The following SLC35D2 variants were observed in gnomAD, a reference collection of about 807,000 sequenced individuals.
SLC35D2 encodes the protein solute carrier family 35 member D2, also known as nucleotide sugar transporter SLC35D2.
SLC35D2 carries 43 observed loss-of-function variants against 41.8 expected under a neutral mutation model. The observed-to-expected ratio is 1.03, with a 90% CI of 0.81 to 1.33. The LOEUF (loss-of-function observed/expected upper bound fraction) is 1.33, where lower values mean the gene tolerates loss of function less well. SLC35D2 is among the 40% of genes most tolerant of loss of function. SLC35D2 has a pLI of 0.00. For synonymous variants in SLC35D2, 150 were observed against 163.9 expected (o/e 0.92, Z 0.65); for missense variants, 380 against 408.4 (o/e 0.93, Z 0.60).
intron 9 of SLC35D2, among the ~76,000 whole-genome samples, chr9:96,333,587 T>C (rs1228944777): frequency 2.6e-4 from 32 of 124,134 alleles, no homozygotes; most frequent in Non-Finnish European, 4.2e-4. Flanking sequence ...AGAGGGAGAC[T>C]CCGTCTCAAA....
chr9:96,364,783 T>G (rs1011467538), intron 2 of SLC35D2, among the ~76,000 whole-genome samples: 2 of 152,102 alleles, frequency 1.3e-5, no homozygotes, highest in African/African-American at 4.8e-5. Context: ...CAGGGCACGG[T>G]GGCTCACAGC....
At position 96,367,002 on chromosome 9, in the gene SLC35D2, C is replaced by A. The variant is rs187710112; in HGVS notation, c.192+1270G>T. On this transcript the variant is annotated intron_variant, in intron 2 of 11. Coordinates refer to ENST00000253270, the MANE Select transcript of SLC35D2 (RefSeq NM_007001.3). ...TTGGGAGGCCGAGGTGGGTGGATCA[C>A]GAGGTCAGGAGCTGGAGACCAACCT... 4.1e-3 allele frequency among the ~76,000 whole-genome samples: 613 copies of A among 150,832 alleles called. 4 individuals are homozygous for A. The highest frequency in any genetic ancestry group is 0.014 in the African/African-American group (590 of 41,262).
intron 6 of SLC35D2, among the ~76,000 whole-genome samples, chr9:96,349,729 T>A (rs777416759): frequency 1.3e-5 from 2 of 152,204 alleles, no homozygotes; most frequent in African/African-American, 4.8e-5. Context: ...TTTTGCCATG[T>A]TGGCCAGGCT....
chr9:96,317,784 G>A (rs541201485), downstream of SLC35D2, among the ~76,000 whole-genome samples: 81 of 151,942 alleles, frequency 5.3e-4, no homozygotes, highest in African/African-American at 1.8e-3. Context: ...AGCACTCTGG[G>A]AGGCCGAGGA....
intron 4 of SLC35D2, among the ~76,000 whole-genome samples, chr9:96,358,078 T>TAATATA (rs1491320526): frequency 8.8e-5 from 7 of 79,240 alleles, no homozygotes; most frequent in South Asian, 3.4e-4. Flanking sequence ...ATATTATATA[T>TAATATA]TTTATATATA....
chr9:96,332,282 G>A (rs1449881842), intron 9 of SLC35D2, among the ~76,000 whole-genome samples: 2 of 152,074 alleles, frequency 1.3e-5, no homozygotes, highest in African/African-American at 4.8e-5. Context: ...CACCCGTCAG[G>A]AGAGAAGAGA....
downstream of SLC35D2, among the ~76,000 whole-genome samples, chr9:96,317,158 A>G (rs1828073478): frequency 6.6e-6 from 1 of 152,084 alleles, no homozygotes; most frequent in South Asian, 2.1e-4. Flanking sequence ...AAAAGTATTA[A>G]AACAGCAAGA....
intron 8 of SLC35D2, among the ~76,000 whole-genome samples, chr9:96,338,555 C>CA (rs58788876): frequency 0.51 from 58,896 of 115,602 alleles, 13,749 homozygotes; most frequent in East Asian, 0.62. Context: ...GACCCTGTCT[C>CA]AAAAAAAAAA....
At chr9:96,348,603 G>A (rs760107034) in intron 6 of SLC35D2, among the ~76,000 whole-genome samples, 172 of 152,304 alleles carry the variant, frequency 1.1e-3, no homozygotes, top group Non-Finnish European at 1.8e-3. Flanking sequence ...TAGGGTCACT[G>A]CTGGTCTGTA....
intron 5 of SLC35D2, 71 bp downstream of exon 5, chr9:96,351,967 A>G: frequency 1.0e-6 from 1 of 978,664 alleles, no homozygotes; most frequent in Non-Finnish European, 1.6e-6. Flanking sequence ...AATGGCTACT[A>G]GAATTTGCTG....
At position 96,334,852 on chromosome 9, in the gene SLC35D2, G is replaced by GA. The variant is rs201827543; in HGVS notation, c.752+1864dup. 5.3e-3 allele frequency among the ~76,000 whole-genome samples: 814 copies of GA among 152,312 alleles called. 12 individuals carry two copies. The highest frequency in any genetic ancestry group is 0.018 in the African/African-American group (766 of 41,580). On this transcript the variant is annotated intron_variant, in intron 9 of 11. Transcript: ENST00000253270. ...AGGCACAGTCACAAGGATCACCAGT[G>GA]AGAGTATTCTAAATGAACAGATACG...
chr9:96,314,657 G>A (rs926624550), exon 12 of SLC35D2: 1 of 152,252 alleles, frequency 6.6e-6, no homozygotes, highest in Admixed American at 6.5e-5. Flanking sequence ...CTAGGTGATA[G>A]GTTGATAGGT....
At chr9:96,343,029 G>A (rs1458094852) in intron 8 of SLC35D2, among the ~76,000 whole-genome samples, 3 of 152,228 alleles carry the variant, frequency 2.0e-5, no homozygotes, top group Non-Finnish European at 4.4e-5. Flanking sequence ...TCTGTGGGTG[G>A]AGGTCCCGCT....
Position 96,332,838 on chromosome 9 carries a change from A to T in SLC35D2, c.752+3879T>A, listed in dbSNP as rs78241261. Among the ~76,000 whole-genome samples, 5 of 152,220 alleles carry T rather than the reference A, an allele frequency of 3.3e-5. No individual in the cohort carries two copies. In the East Asian group the frequency reaches 9.7e-4, roughly 29 times the overall value. On this transcript the variant is annotated intron_variant, in intron 9 of 11. Coordinates refer to ENST00000253270, the MANE Select transcript of SLC35D2 (RefSeq NM_007001.3). Reference sequence around the variant, plus strand: ...CACCTTGTTTCATCAAACTTGAGTAAACCTGAAATGTTAATGATTTCATCA... The same window carrying T: ...CACCTTGTTTCATCAAACTTGAGTATACCTGAAATGTTAATGATTTCATCA...
At chr9:96,364,293 C>A (rs1407972548) in intron 3 of SLC35D2, among the ~76,000 whole-genome samples, 171 bp downstream of exon 3, 1 of 152,204 alleles carries the variant, frequency 6.6e-6, no homozygotes, top group Non-Finnish European at 1.5e-5. Context: ...CAAGATCACA[C>A]CATTGCACTC....
chr9:96,343,509 T>C (rs747246622), intron 8 of SLC35D2, among the ~76,000 whole-genome samples: 48 of 152,228 alleles, frequency 3.2e-4, no homozygotes, highest in Non-Finnish European at 6.5e-4. Context: ...CTCTATTTTG[T>C]GCATGTTTCA....
chr9:96,344,050 T>C, intron 7 of SLC35D2, 54 bp from the exon 8 acceptor site: 6 of 1,148,788 alleles, frequency 5.2e-6, no homozygotes, highest in Non-Finnish European at 7.6e-6. Context: ...GAGGCACAGA[T>C]TTCCTGGAGC....
At chr9:96,324,268 C>A (rs7038558) in intron 9 of SLC35D2, 99 bp from the exon 10 acceptor site, 2 of 880,752 alleles carry the variant, frequency 2.3e-6, no homozygotes, top group East Asian at 2.6e-5. Flanking sequence ...GCACTTTAAG[C>A]GAAGAAAAAA....
chr9:96,364,879 C>A (rs1830415286), intron 2 of SLC35D2, among the ~76,000 whole-genome samples: 1 of 151,532 alleles, frequency 6.6e-6, no homozygotes, highest in Non-Finnish European at 1.5e-5. Context: ...ATGGTGAAAT[C>A]CTGTCTTTAC....
Sources: gnomAD v4.1 joint callset for allele counts (sites outside exome capture counted in the v4.1 genomes callset) on GRCh38, gnomAD v4.1.1 for gene constraint, MANE v1.5 for transcripts, NCBI Gene and HGNC (gene_info 2026-07-23, HGNC 2026-07-21) for gene names.